B3GLCT: variants seen among roughly 807,000 people sequenced by gnomAD.
B3GLCT encodes beta-1,3-glucosyltransferase.
Under a neutral mutation model 63.4 loss-of-function variants are expected in B3GLCT, and 65 were observed. The observed-to-expected ratio is 1.03, with a 90% CI of 0.84 to 1.26. The LOEUF (loss-of-function observed/expected upper bound fraction) is 1.26, where lower values mean the gene tolerates loss of function less well. Ranked by LOEUF, B3GLCT falls within the 50% of genes most tolerant of loss-of-function variation. B3GLCT has a pLI of 0.00. For missense variants in B3GLCT, 577 were observed against 604.8 expected, an observed-to-expected ratio of 0.95 and a Z score of 0.48; for synonymous variants, 233 against 219.2, an observed-to-expected ratio of 1.06 and a Z score of -0.55.
chr13:31,276,791 T>C lies in B3GLCT; in HGVS notation c.850+20T>C. 6.3e-7 allele frequency: 1 copy of C among 1,578,536 alleles called. No individual in the cohort carries two copies. The highest frequency in any genetic ancestry group is 1.1e-5 in the South Asian group (1 of 90,336). On this transcript the variant is annotated intron_variant, in intron 10 of 14. Transcript: ENST00000343307. ...ACAGAAGTATGTTTTGGGTTATTCA[T>C]TTTATTGAACGCTAAAATCCAGACT...
intron 2 of B3GLCT, among the ~76,000 whole-genome samples, chr13:31,215,389 G>GT (rs1869506808): frequency 6.6e-6 from 1 of 152,122 alleles, no homozygotes; most frequent in Admixed American, 6.5e-5. Context: ...GGATACCATA[G>GT]TTTTCCCCAG....
intron 1 of B3GLCT, among the ~76,000 whole-genome samples, chr13:31,202,515 C>T (rs888428063): frequency 6.6e-6 from 1 of 152,148 alleles, no homozygotes; most frequent in Non-Finnish European, 1.5e-5. Flanking sequence ...GCGAAGTAAC[C>T]CTTTAGCCCT....
At chr13:31,213,624 C>CCCCCCA (rs1869401577) in intron 1 of B3GLCT, among the ~76,000 whole-genome samples, 1 of 73,024 alleles carries the variant, frequency 1.4e-5, no homozygotes, top group African/African-American at 4.7e-5. Flanking sequence ...CCACCCCACC[C>CCCCCCA]CCCCCCCCCG....
At chr13:31,232,959 C>G (rs1191477719) in intron 4 of B3GLCT, among the ~76,000 whole-genome samples, 1 of 152,164 alleles carries the variant, frequency 6.6e-6, no homozygotes, top group African/African-American at 2.4e-5. Flanking sequence ...CCTTGTATTT[C>G]TCCTACATAC....
At chr13:31,321,094 G>A (rs144671266) in intron 13 of B3GLCT, among the ~76,000 whole-genome samples, 38 of 152,076 alleles carry the variant, frequency 2.5e-4, no homozygotes, top group Admixed American at 4.6e-4. Flanking sequence ...TTATTTCCTC[G>A]CTTCTTAGCA....
intron 6 of B3GLCT, among the ~76,000 whole-genome samples, chr13:31,255,051 AAAAG>A (rs1175360457): frequency 6.6e-6 from 1 of 151,666 alleles, no homozygotes; most frequent in African/African-American, 2.4e-5. Flanking sequence ...AAAAAAAAAA[AAAAG>A]AAAACCCCAT....
At chr13:31,299,429 T>C (rs747415150) in intron 12 of B3GLCT, among the ~76,000 whole-genome samples, 2 of 152,136 alleles carry the variant, frequency 1.3e-5, no homozygotes, top group Admixed American at 6.5e-5. Context: ...CATGTTCCAC[T>C]GAGTAAGCAA....
chr13:31,310,452 G>T (rs796719655), intron 12 of B3GLCT, among the ~76,000 whole-genome samples: 3 of 152,200 alleles, frequency 2.0e-5, no homozygotes, highest in South Asian at 4.1e-4. Flanking sequence ...GCTGAGGGTG[G>T]TGACACACTC....
intron 4 of B3GLCT, among the ~76,000 whole-genome samples, chr13:31,245,677 TG>T (rs2137802585): frequency 6.6e-6 from 1 of 152,340 alleles, no homozygotes; most frequent in South Asian, 2.1e-4. Flanking sequence ...AGCTCACATT[TG>T]CATTTACCCA....
intron 14 of B3GLCT, 138 bp from the exon 15 acceptor site, chr13:31,329,363 T>A (rs1478538789): frequency 3.2e-6 from 3 of 943,060 alleles, no homozygotes; most frequent in East Asian, 5.0e-5. Flanking sequence ...CAGAAAATAG[T>A]TTCCTTTTTG....
chr13:31,278,995 A>G (rs888911388), intron 10 of B3GLCT, among the ~76,000 whole-genome samples: 2 of 152,016 alleles, frequency 1.3e-5, no homozygotes, highest in African/African-American at 4.8e-5. Context: ...TAAGTCCCAC[A>G]TTTTTTTCTA....
intron 13 of B3GLCT, 71 bp downstream of exon 13, chr13:31,317,756 C>T (rs1469394285): frequency 2.5e-6 from 4 of 1,595,316 alleles, no homozygotes; most frequent in South Asian, 1.1e-5. Flanking sequence ...AGGTAGGTCT[C>T]TGGCACTGGG....
intron 12 of B3GLCT, among the ~76,000 whole-genome samples, chr13:31,315,626 T>C (rs2104375): frequency 0.93 from 142,195 of 152,334 alleles, 66,958 homozygotes; most frequent in East Asian, 1. Context: ...GCAGCCTGAC[T>C]GTGAGGTGAA....
chr13:31,208,589 T>C, intron 1 of B3GLCT, among the ~76,000 whole-genome samples: 2 of 104,528 alleles, frequency 1.9e-5, no homozygotes, highest in Non-Finnish European at 2.1e-5. Context: ...GTGCTCTGTC[T>C]CAGAGCCTGC....
At position 31,263,101 on chromosome 13, in the gene B3GLCT, G is replaced by A. The variant is rs144336179; in HGVS notation, c.596+2019G>A. Among the ~76,000 whole-genome samples the A allele has an allele frequency of 4.7e-3, 716 of 152,240 alleles. 1 individual carries two copies. Among genetic ancestry groups the A allele is most frequent in the African/African-American group, 0.015 (636 of 41,534 alleles). On this transcript the variant is annotated intron_variant, in intron 7 of 14. Coordinates refer to ENST00000343307, the MANE Select transcript of B3GLCT (RefSeq NM_194318.4). The stretch of plus-strand genomic sequence containing the variant: ...GTAGAGCTATATGGCAAGCGGGGGT[G>A]TAATCATTTCCTTGAAGCCAGTGTA...
In B3GLCT at chr13:31,238,752, G is replaced by C. The variant is rs78779729; in HGVS notation, c.271-8271G>C. Among the ~76,000 whole-genome samples, 1,207 of 152,048 alleles carry C rather than the reference G, an allele frequency of 7.9e-3. 26 individuals are homozygous for C. The highest frequency in any genetic ancestry group is 0.054 in the Admixed American group (819 of 15,282). On this transcript the variant is annotated intron_variant, in intron 4 of 14. Transcript: ENST00000343307. ...AATCTAAGAGTTTGAGACCACCTTG[G>C]GCAACATAGCAAGACCCCATCTCAA...
At chr13:31,288,820 A>G (rs1873487647) in intron 12 of B3GLCT, among the ~76,000 whole-genome samples, 1 of 152,188 alleles carries the variant, frequency 6.6e-6, no homozygotes. Flanking sequence ...ATGGAAGGAA[A>G]CAGGAAACAT....
chr13:31,259,920 T>C (rs1871938806), intron 6 of B3GLCT, among the ~76,000 whole-genome samples: 2 of 152,142 alleles, frequency 1.3e-5, no homozygotes, highest in South Asian at 4.1e-4. Flanking sequence ...ATCATTTGCT[T>C]TGTGTAATTT....
At chr13:31,253,032 C>A (rs1329823083) in intron 6 of B3GLCT, among the ~76,000 whole-genome samples, 10 of 152,170 alleles carry the variant, frequency 6.6e-5, no homozygotes, top group Admixed American at 6.5e-4. Flanking sequence ...ACAGTGCAAT[C>A]AAATTAGAAC....
Sources: allele counts gnomAD v4.1 joint callset (sites outside exome capture counted in the v4.1 genomes callset), GRCh38; gene constraint gnomAD v4.1.1; transcripts MANE v1.5; gene names NCBI Gene and HGNC (gene_info 2026-07-23, HGNC 2026-07-21).